GOLGB1: variants seen among roughly 807,000 people sequenced by gnomAD.
The protein encoded by GOLGB1 is golgin subfamily B member 1.
Under a neutral mutation model 336.9 loss-of-function variants are expected in GOLGB1, and 174 were observed. The observed-to-expected ratio is 0.52, with a 90% CI of 0.46 to 0.59. The LOEUF (loss-of-function observed/expected upper bound fraction) is 0.59, where lower values mean the gene tolerates loss of function less well. Among genes scored for constraint, GOLGB1 ranks in the 20% least tolerant of loss-of-function variants. GOLGB1 has a pLI of 0.00. For missense variants in GOLGB1, 3,331 were observed against 3,645.3 expected (o/e 0.91, Z 2.22); for synonymous variants, 1,208 against 1,289.2 (o/e 0.94, Z 1.35).
chr3:121,709,021 T>C (rs963407641), intron 10 of GOLGB1, among the ~76,000 whole-genome samples: 5 of 152,144 alleles, frequency 3.3e-5, no homozygotes, highest in Non-Finnish European at 7.4e-5. Flanking sequence ...GAATATACCA[T>C]TCAAGCAATA....
At chr3:121,683,400 G>A (rs1183396049) in intron 14 of GOLGB1, among the ~76,000 whole-genome samples, 1 of 152,112 alleles carries the variant, frequency 6.6e-6, no homozygotes, top group East Asian at 1.9e-4. Context: ...CCCCTACTGA[G>A]CTTGAAGAGT....
intron 12 of GOLGB1, among the ~76,000 whole-genome samples, chr3:121,699,428 T>C (rs1267348867): frequency 2.0e-5 from 3 of 152,172 alleles, no homozygotes; most frequent in Non-Finnish European, 2.9e-5. Context: ...TTTCAGATTA[T>C]TAAAAGGATC....
intron 11 of GOLGB1, 111 bp downstream of exon 11, chr3:121,702,370 C>A: frequency 2.3e-6 from 1 of 433,220 alleles, no homozygotes; most frequent in Non-Finnish European, 4.2e-6. Flanking sequence ...TTATCTAAAT[C>A]TTTATTATCA....
intron 8 of GOLGB1, among the ~76,000 whole-genome samples, 194 bp from the exon 9 acceptor site, chr3:121,717,333 C>T (rs748690199): frequency 1.3e-5 from 2 of 152,016 alleles, no homozygotes; most frequent in Non-Finnish European, 2.9e-5. Context: ...CACACAGGCA[C>T]CCAGAAAAAC....
At chr3:121,729,440 G>T in intron 3 of GOLGB1, 100 bp from the exon 4 acceptor site, 2 of 958,116 alleles carry the variant, frequency 2.1e-6, no homozygotes, top group Non-Finnish European at 3.1e-6. Context: ...CAGAGACAGG[G>T]TATCTCTCTG....
At chr3:121,712,460 C>T (rs1015311725) in intron 10 of GOLGB1, among the ~76,000 whole-genome samples, 2 of 151,812 alleles carry the variant, frequency 1.3e-5, no homozygotes, top group African/African-American at 4.8e-5. Flanking sequence ...TAATTAAGCT[C>T]ATCAAAATTT....
chr3:121,749,038 G>A, intron 1 of GOLGB1: 1 of 319,556 alleles, frequency 3.1e-6, no homozygotes, highest in Non-Finnish European at 4.5e-6. Flanking sequence ...TCGTGTTGAC[G>A]GGATCGTTGG....
intron 1 of GOLGB1, among the ~76,000 whole-genome samples, chr3:121,747,070 AG>A: frequency 6.8e-6 from 1 of 147,200 alleles, no homozygotes; most frequent in Admixed American, 6.9e-5. Flanking sequence ...GATTCATATT[AG>A]TATGGCCCCA....
intron 8 of GOLGB1, 92 bp downstream of exon 8, chr3:121,718,296 G>C: frequency 1.4e-6 from 1 of 733,570 alleles, no homozygotes; most frequent in Non-Finnish European, 2.3e-6. Flanking sequence ...ATTCTCTGAA[G>C]ACTTTAAATA....
chr3:121,693,828 CT>C lies in GOLGB1; in HGVS notation c.6694del (p.Arg2232AspfsTer10). 1 of 1,609,818 alleles carries C rather than the reference CT, an allele frequency of 6.2e-7. No homozygotes were observed. The highest frequency in any genetic ancestry group is 8.5e-7 in the Non-Finnish European group (1 of 1,176,054). The stretch of plus-strand genomic sequence containing the variant: ...AACACTGCAATTATCTTCTTTGAGT[CT>C]AATTTCTTCTTCTTTGCTTTGAATC... ...DAIQSKEEEIRLKEDNCSVLK... is the reference protein window; with the variant it reads ...DAIQSKEEEIXLKEDNCSVLK... On this transcript the variant is annotated frameshift_variant, in exon 13 of 22. Transcript: ENST00000614479. LOFTEE classifies it high-confidence loss of function.
intron 4 of GOLGB1, among the ~76,000 whole-genome samples, chr3:121,727,320 ATTTTTTTTTT>A (rs869189384): frequency 1.4e-4 from 4 of 28,626 alleles, no homozygotes; most frequent in African/African-American, 5.2e-4. Context: ...ATATATATAT[ATTTTTTTTTT>A]TTTTTTTTTT....
intron 10 of GOLGB1, among the ~76,000 whole-genome samples, chr3:121,702,984 G>T (rs1421163361): frequency 6.6e-6 from 1 of 152,164 alleles, no homozygotes; most frequent in Non-Finnish European, 1.5e-5. Context: ...ATGAAGAGAG[G>T]TTCCACAAAG....
intron 8 of GOLGB1, 91 bp from the exon 9 acceptor site, chr3:121,717,230 A>C (rs1436783336): frequency 1.0e-6 from 1 of 966,170 alleles, no homozygotes; most frequent in Non-Finnish European, 1.5e-6. Context: ...GGATGGAAAA[A>C]AATGGGAACA....
Position 121,697,307 on chromosome 3 carries a change from A to G in GOLGB1, c.3216T>C (p.Ser1072=). Residue 1072 remains serine (S), a synonymous_variant, in exon 13 of 22, where the codon TCT becomes TCC. Coordinates refer to ENST00000614479, the MANE Select transcript of GOLGB1 (RefSeq NM_001366282.2). ...TATGCTGTAGTTCCACTTCTTTCTC[A>G]GATATTGTCTGTTTTAAATAAATTT... The part of the protein sequence containing the change: ...EIEIYLKQTI[S]EKEVELQHIR... 1 of 1,613,474 alleles carries G rather than the reference A, an allele frequency of 6.2e-7. No homozygotes were observed. Among genetic ancestry groups the G allele is most frequent in the Non-Finnish European group, 8.5e-7 (1 of 1,179,680 alleles).
chr3:121,664,555 TCGGGTC>T lies in GOLGB1; in HGVS notation c.9714_9719del (p.Thr3239_Arg3240del). On this transcript the variant is annotated inframe_deletion, in exon 22 of 22. Coordinates refer to ENST00000614479, the MANE Select transcript of GOLGB1 (RefSeq NM_001366282.2). ...AGTAGATGGCTGCTAGAAGTGGCAC[TCGGGTC>T]CGTGAATGACAGAGTGAACGCAGGA... 1 of 1,613,598 alleles carries T rather than the reference TCGGGTC, an allele frequency of 6.2e-7. No individual in the cohort carries two copies. Among genetic ancestry groups the T allele is most frequent in the Non-Finnish European group, 8.5e-7 (1 of 1,179,502 alleles).
At chr3:121,726,274 A>C (rs2108240647) in intron 5 of GOLGB1, among the ~76,000 whole-genome samples, 1 of 151,476 alleles carries the variant, frequency 6.6e-6, no homozygotes, top group East Asian at 1.9e-4. Flanking sequence ...TTCTACTAAA[A>C]ATACAAAAAA....
At chr3:121,729,082 A>T in intron 4 of GOLGB1, 106 bp downstream of exon 4, 2 of 723,736 alleles carry the variant, frequency 2.8e-6, no homozygotes, top group Non-Finnish European at 4.5e-6. Context: ...AACATTATTT[A>T]GTGCTGTATC....
At chr3:121,693,349 G>C (rs1434089176) in intron 13 of GOLGB1, among the ~76,000 whole-genome samples, 1 of 151,992 alleles carries the variant, frequency 6.6e-6, no homozygotes, top group East Asian at 1.9e-4. Context: ...TTAGCTGGGC[G>C]TGTTGGTAGG....
intron 1 of GOLGB1, among the ~76,000 whole-genome samples, chr3:121,735,838 G>A (rs776024417): frequency 6.6e-5 from 10 of 152,158 alleles, no homozygotes; most frequent in South Asian, 2.1e-4. Context: ...AGCAATGAGC[G>A]CATCCAGATC....
Sources: gnomAD v4.1 joint callset for allele counts (sites outside exome capture counted in the v4.1 genomes callset) on GRCh38, gnomAD v4.1.1 for gene constraint, MANE v1.5 for transcripts, NCBI Gene and HGNC (gene_info 2026-07-23, HGNC 2026-07-21) for gene names.